Variants in DISC1 observed in about 807,000 individuals in gnomAD.
The protein encoded by DISC1 is disrupted in schizophrenia 1 protein.
Under a neutral mutation model 84.5 loss-of-function variants are expected in DISC1, and 57 were observed. The observed-to-expected ratio is 0.67, with a 90% CI of 0.55 to 0.84. The LOEUF (loss-of-function observed/expected upper bound fraction) is 0.84. DISC1 is among the 40% of genes least tolerant of loss of function. DISC1 has a pLI of 0.00. For synonymous variants in DISC1, 411 were observed against 415.2 expected (o/e 0.99, Z 0.12); for missense variants, 1,000 against 1,057.8 (o/e 0.95, Z 0.76).
intron 1 of DISC1, among the ~76,000 whole-genome samples, chr1:231,689,652 T>C (rs1418939571): frequency 6.6e-6 from 1 of 152,212 alleles, no homozygotes; most frequent in Non-Finnish European, 1.5e-5. Context: ...TATCATGTTT[T>C]CTTAAACTGC....
chr1:231,628,957 G>C (rs1273633866), intron 1 of DISC1, among the ~76,000 whole-genome samples: 1 of 151,604 alleles, frequency 6.6e-6, no homozygotes, highest in Admixed American at 6.6e-5. Flanking sequence ...GGCTGGTCTC[G>C]ACCTCCTGGC....
chr1:231,822,823 C>T (rs2081593900), intron 9 of DISC1, among the ~76,000 whole-genome samples: 1 of 152,094 alleles, frequency 6.6e-6, no homozygotes, highest in African/African-American at 2.4e-5. Context: ...GGGAGCTGGC[C>T]TAGGCAGATC....
chr1:231,844,983 A>T (rs982033136), intron 9 of DISC1, among the ~76,000 whole-genome samples: 6 of 152,062 alleles, frequency 3.9e-5, no homozygotes, highest in Non-Finnish European at 5.9e-5. Context: ...ATAAGAAGGA[A>T]TGTCTGGGTT....
chr1:231,787,684 A>G (rs980636117), intron 6 of DISC1, among the ~76,000 whole-genome samples: 2 of 152,246 alleles, frequency 1.3e-5, no homozygotes, highest in African/African-American at 4.8e-5. Flanking sequence ...TTTGAGAAAG[A>G]TGAGCAAGAT....
At chr1:231,713,284 A>G (rs2068115972) in intron 3 of DISC1, among the ~76,000 whole-genome samples, 1 of 152,208 alleles carries the variant, frequency 6.6e-6, no homozygotes, top group African/African-American at 2.4e-5. Flanking sequence ...CCATTCAAAG[A>G]GGCAAAATAA....
intron 9 of DISC1, among the ~76,000 whole-genome samples, chr1:231,929,050 A>G (rs1242378007): frequency 6.6e-6 from 1 of 152,076 alleles, no homozygotes. Context: ...TGGGGTGGAG[A>G]GTTCTGTAGA....
intron 1 of DISC1, among the ~76,000 whole-genome samples, chr1:231,632,724 A>G (rs539337456): frequency 6.6e-6 from 1 of 152,342 alleles, no homozygotes; most frequent in South Asian, 2.1e-4. Context: ...CTTAAGATAC[A>G]TTAAATGAAT....
rs372487775 is a variant in DISC1, at chr1:232,031,223, AAGAGAGAG to A, written c.2425+4675_2425+4682del. Among the ~76,000 whole-genome samples the A allele has an allele frequency of 2.7e-4, 40 of 147,168 alleles. No homozygotes were observed. The highest frequency in any genetic ancestry group is 3.4e-3 in the Middle Eastern group (1 of 292). Reference sequence around the variant, plus strand: ...AGAGAGAGGAAGGAAGGAAGGGAGAAAGAGAGAGAGAAAGAGAGGAAGGAAGGAAGGAG... The same window carrying A: ...AGAGAGAGGAAGGAAGGAAGGGAGAAAGAAAGAGAGGAAGGAAGGAAGGAG... On this transcript the variant is annotated intron_variant, in intron 12 of 12. Transcript: ENST00000439617. This position sits in a 1 kb window ranked among gnomAD's most constrained non-coding sequence, Gnocchi z 4.6.
intron 8 of DISC1, among the ~76,000 whole-genome samples, chr1:231,805,649 C>A (rs911949993): frequency 2.6e-5 from 4 of 152,078 alleles, no homozygotes; most frequent in Middle Eastern, 3.2e-3. Context: ...GAGAAACTGC[C>A]CCTATGATCC....
chr1:231,866,676 A>C (rs551824982), intron 9 of DISC1: 702 of 1,428,010 alleles, frequency 4.9e-4, no homozygotes, highest in Middle Eastern at 3.8e-3. Context: ...CATTGAAGAG[A>C]CATGATGTCA....
chr1:231,717,235 G>A (rs116534011), intron 3 of DISC1, among the ~76,000 whole-genome samples: 158 of 152,218 alleles, frequency 1.0e-3, no homozygotes, highest in African/African-American at 3.6e-3. Context: ...TGCAAGTCTC[G>A]GAAATAAAAA....
chr1:231,650,452 C>A (rs1291727154), intron 1 of DISC1, among the ~76,000 whole-genome samples: 1 of 152,194 alleles, frequency 6.6e-6, no homozygotes, highest in Non-Finnish European at 1.5e-5. Flanking sequence ...ATCAGACTTC[C>A]CTTTGTGGGT....
At chr1:231,985,781 T>C (rs1664340122) in intron 10 of DISC1, among the ~76,000 whole-genome samples, 1 of 152,224 alleles carries the variant, frequency 6.6e-6, no homozygotes. Context: ...CAAAAAATTA[T>C]CAGGTAAGGG....
chr1:231,964,493 G>C (rs920201750), intron 10 of DISC1, among the ~76,000 whole-genome samples: 7 of 152,204 alleles, frequency 4.6e-5, no homozygotes, highest in African/African-American at 1.7e-4. Flanking sequence ...GGTCAGATTT[G>C]TGTGAACTGG....
At chr1:231,870,768 T>C (rs900011381) in intron 9 of DISC1, among the ~76,000 whole-genome samples, 53 of 152,364 alleles carry the variant, frequency 3.5e-4, no homozygotes, top group African/African-American at 1.3e-3. Context: ...AGATTAGCCA[T>C]TAGTTTTTCC....
At chr1:231,722,042 A>G (rs1486340240) in intron 3 of DISC1, among the ~76,000 whole-genome samples, 1 of 151,332 alleles carries the variant, frequency 6.6e-6, no homozygotes, top group Non-Finnish European at 1.5e-5. Flanking sequence ...AATCCCGGCT[A>G]CTCGGGAGGC....
At chr1:231,802,255 T>C (rs2079329421) in intron 8 of DISC1, among the ~76,000 whole-genome samples, 1 of 152,148 alleles carries the variant, frequency 6.6e-6, no homozygotes, top group African/African-American at 2.4e-5. Context: ...GTTTGGATCA[T>C]GAGGGCGGTT....
intron 1 of DISC1, among the ~76,000 whole-genome samples, chr1:231,689,528 C>T (rs958814202): frequency 6.6e-6 from 1 of 152,082 alleles, no homozygotes; most frequent in East Asian, 1.9e-4. Flanking sequence ...GATGGGGCCT[C>T]GCCATGTTGC....
chr1:231,644,005 G>C (rs2059934234), intron 1 of DISC1, among the ~76,000 whole-genome samples: 1 of 152,114 alleles, frequency 6.6e-6, no homozygotes. Context: ...TTTGCACAAT[G>C]GTACCATATG....
Sources: allele counts gnomAD v4.1 joint callset (sites outside exome capture counted in the v4.1 genomes callset), GRCh38; gene constraint gnomAD v4.1.1; non-coding constraint Gnocchi (gnomAD v3.1); transcripts MANE v1.5; gene names NCBI Gene and HGNC (gene_info 2026-07-23, HGNC 2026-07-21).